Variants in SLC4A10 observed in about 807,000 individuals in gnomAD.
The protein encoded by SLC4A10 is solute carrier family 4 member 10, also known as sodium-driven chloride bicarbonate exchanger.
In SLC4A10, 42 loss-of-function variants were observed where a neutral mutation model predicts 137.7. That is an observed-to-expected ratio of 0.30 (90% CI 0.24 to 0.39). The LOEUF is 0.39. Ranked by LOEUF, SLC4A10 falls within the 10% of genes least tolerant of loss-of-function variation. The pLI is 1.00. For synonymous variants in SLC4A10, 474 were observed against 464.1 expected (o/e 1.02, Z -0.27); for missense variants, 925 against 1,355.0 (o/e 0.68, Z 4.98).
At chr2:161,818,289 A>G (rs1210983062) in intron 3 of SLC4A10, among the ~76,000 whole-genome samples, 1 of 151,922 alleles carries the variant, frequency 6.6e-6, no homozygotes, top group Non-Finnish European at 1.5e-5. Context: ...TTTGTCTGTT[A>G]TTGGTGTATA....
In SLC4A10 at chr2:161,811,852, T is replaced by G. The variant is rs1361057729; in HGVS notation, c.277+7257T>G. Among the ~76,000 whole-genome samples the G allele has an allele frequency of 4.6e-5, 7 of 152,184 alleles. No homozygotes were observed. In the East Asian group the frequency reaches 9.7e-4, roughly 21 times the overall value. ...CACCACTCTGGAAACTTATGCCATT[T>G]CTAATTTAATTGACCTCTTCCTCTT... On this transcript the variant is annotated intron_variant, in intron 3 of 26. Coordinates refer to ENST00000446997, the MANE Select transcript of SLC4A10 (RefSeq NM_001178015.2).
At chr2:161,969,177 G>A (rs913956461) in intron 23 of SLC4A10, among the ~76,000 whole-genome samples, 1 of 152,120 alleles carries the variant, frequency 6.6e-6, no homozygotes, top group Non-Finnish European at 1.5e-5. Flanking sequence ...TAGCCTCCAG[G>A]GTTTTCCTAT....
intron 15 of SLC4A10, among the ~76,000 whole-genome samples, chr2:161,913,732 C>T (rs899646700): frequency 2.6e-5 from 4 of 152,108 alleles, no homozygotes; most frequent in Non-Finnish European, 5.9e-5. Flanking sequence ...CAATGTAATG[C>T]TTTTTCGAAG....
At chr2:161,883,262 A>G (rs944879980) in intron 10 of SLC4A10, among the ~76,000 whole-genome samples, 4 of 152,186 alleles carry the variant, frequency 2.6e-5, no homozygotes, top group African/African-American at 9.6e-5. Flanking sequence ...AAATAATTTA[A>G]TAATGTTTTT....
At chr2:161,749,915 A>G (rs2048784733) in intron 1 of SLC4A10, among the ~76,000 whole-genome samples, 1 of 151,730 alleles carries the variant, frequency 6.6e-6, no homozygotes, top group Non-Finnish European at 1.5e-5. Flanking sequence ...ATTTTTGATT[A>G]CTACTTTATT....
chr2:161,872,159 T>C, intron 6 of SLC4A10, 134 bp from the exon 7 acceptor site: 2 of 507,762 alleles, frequency 3.9e-6, no homozygotes, highest in Non-Finnish European at 3.5e-6. Flanking sequence ...TTTATTTATA[T>C]TGACCCTTCA....
chr2:161,804,407 A>C, intron 2 of SLC4A10, 42 bp from the exon 3 acceptor site: 3 of 1,591,628 alleles, frequency 1.9e-6, no homozygotes, highest in Non-Finnish European at 2.6e-6. Flanking sequence ...TGTGCCCTGG[A>C]ATAATTCAGA....
At chr2:161,657,587 G>T (rs945145286) in intron 1 of SLC4A10, among the ~76,000 whole-genome samples, 4 of 151,340 alleles carry the variant, frequency 2.6e-5, no homozygotes, top group African/African-American at 2.4e-5. Flanking sequence ...TTCATAACTG[G>T]GAATATTTTT....
chr2:161,727,466 GA>G (rs2046351528), intron 1 of SLC4A10, among the ~76,000 whole-genome samples: 1 of 152,138 alleles, frequency 6.6e-6, no homozygotes, highest in Non-Finnish European at 1.5e-5. Flanking sequence ...ATAAAAGATA[GA>G]AGCCAATACA....
At chr2:161,691,314 G>A (rs914825975) in intron 1 of SLC4A10, among the ~76,000 whole-genome samples, 6 of 149,554 alleles carry the variant, frequency 4.0e-5, no homozygotes, top group Admixed American at 1.3e-4. Context: ...ATCAGAGGCT[G>A]GGAAGGGTAG....
intron 1 of SLC4A10, among the ~76,000 whole-genome samples, chr2:161,678,691 T>C (rs1356024080): frequency 6.6e-6 from 1 of 152,124 alleles, no homozygotes; most frequent in Non-Finnish European, 1.5e-5. Flanking sequence ...TTACCTCTTC[T>C]TGAGTTTCAT....
intron 5 of SLC4A10, 53 bp from the exon 6 acceptor site, chr2:161,862,821 C>T (rs966476770): frequency 1.4e-6 from 2 of 1,389,842 alleles, no homozygotes; most frequent in Non-Finnish European, 1.9e-6. Flanking sequence ...TCACGGCTGG[C>T]ACACGTTCTA....
In SLC4A10 at chr2:161,726,262, A is replaced by T. The variant is rs143896102; in HGVS notation, c.49-44711A>T. 6.0e-3 allele frequency among the ~76,000 whole-genome samples: 921 copies of T among 152,336 alleles called. 12 individuals are homozygous for T. Among genetic ancestry groups the T allele is most frequent in the African/African-American group, 0.021 (888 of 41,574 alleles). On this transcript the variant is annotated intron_variant, in intron 1 of 26. Transcript: ENST00000446997. ...AATAATAGGGATACAAATAAGTATT[A>T]TTTTGGCTACTTACTCTGAAAACAT...
intron 15 of SLC4A10, among the ~76,000 whole-genome samples, chr2:161,913,624 C>A (rs375106870): frequency 6.6e-6 from 1 of 152,152 alleles, no homozygotes; most frequent in Non-Finnish European, 1.5e-5. Context: ...CTAAAATCTT[C>A]TGGAGCAGAT....
intron 4 of SLC4A10, among the ~76,000 whole-genome samples, chr2:161,840,606 CACA>C (rs2059120308): frequency 6.6e-6 from 1 of 152,072 alleles, no homozygotes; most frequent in African/African-American, 2.4e-5. Context: ...ATGGATATGG[CACA>C]ACAACAAAAA....
chr2:161,927,949 T>C (rs1403483396), intron 15 of SLC4A10, among the ~76,000 whole-genome samples: 1 of 151,400 alleles, frequency 6.6e-6, no homozygotes, highest in African/African-American at 2.4e-5. Flanking sequence ...TCAACCATTG[T>C]GGAAGTCAGT....
At chr2:161,693,647 C>CTCTCTG (rs2042213306) in intron 1 of SLC4A10, among the ~76,000 whole-genome samples, 1 of 148,958 alleles carries the variant, frequency 6.7e-6, no homozygotes, top group African/African-American at 2.5e-5. Context: ...CAGCATTCTA[C>CTCTCTG]TCTCTGTCTC....
chr2:161,804,690 T>C, intron 3 of SLC4A10, 95 bp downstream of exon 3: 1 of 1,145,678 alleles, frequency 8.7e-7, no homozygotes, highest in Non-Finnish European at 1.2e-6. Context: ...ACTCATAAAA[T>C]TGTTTATACT....
At chr2:161,929,821 C>A (rs1194740832) in intron 15 of SLC4A10, among the ~76,000 whole-genome samples, 1 of 152,088 alleles carries the variant, frequency 6.6e-6, no homozygotes, top group African/African-American at 2.4e-5. Context: ...TTTATTTTTA[C>A]ATTTGTTTTC....
Sources: allele counts gnomAD v4.1 joint callset (sites outside exome capture counted in the v4.1 genomes callset), GRCh38; gene constraint gnomAD v4.1.1; transcripts MANE v1.5; gene names NCBI Gene and HGNC (gene_info 2026-07-23, HGNC 2026-07-21).